The following CEP135 variants were observed in gnomAD, a reference collection of about 807,000 sequenced individuals.
CEP135 encodes centrosomal protein 135, also known as centrosomal protein of 135 kDa.
CEP135 carries 142 observed loss-of-function variants against 157.3 expected under a neutral mutation model. The ratio of observed to expected loss-of-function variants is 0.90; its 90% CI spans 0.79 to 1.04. CEP135 has a LOEUF of 1.04. Ranked by LOEUF, CEP135 falls within the 50% of genes least tolerant of loss-of-function variation. CEP135 has a pLI of 0.00. For synonymous variants in CEP135, 396 were observed against 439.8 expected (o/e 0.90, Z 1.25); for missense variants, 1,317 against 1,309.2 (o/e 1.01, Z -0.09).
chr4:55,990,493 C>T (rs1274183037), intron 14 of CEP135, among the ~76,000 whole-genome samples: 1 of 151,980 alleles, frequency 6.6e-6, no homozygotes, highest in Non-Finnish European at 1.5e-5. Flanking sequence ...TTTGTCCCTA[C>T]ACTTATTTAT....
intron 15 of CEP135, among the ~76,000 whole-genome samples, chr4:55,995,221 C>T (rs553586614): frequency 1.2e-4 from 19 of 152,286 alleles, no homozygotes; most frequent in African/African-American, 4.6e-4. Flanking sequence ...GCATGCTAGC[C>T]AGTCTTTAGA....
intron 17 of CEP135, among the ~76,000 whole-genome samples, chr4:56,006,732 G>A (rs563333328): frequency 5.8e-4 from 89 of 152,292 alleles, no homozygotes; most frequent in African/African-American, 2.0e-3. Flanking sequence ...GAGAGCTCAG[G>A]TGTCACTGTC....
At chr4:55,978,082 T>C (rs1347991468) in intron 11 of CEP135, among the ~76,000 whole-genome samples, 2 of 152,170 alleles carry the variant, frequency 1.3e-5, no homozygotes, top group African/African-American at 4.8e-5. Flanking sequence ...TTCACAATTA[T>C]ACATTAACAC....
intron 15 of CEP135, among the ~76,000 whole-genome samples, chr4:55,997,196 T>C (rs1206973224): frequency 6.6e-6 from 1 of 152,188 alleles, no homozygotes; most frequent in Non-Finnish European, 1.5e-5. Flanking sequence ...CCTCAACTGT[T>C]TCGTTGAGAG....
intron 1 of CEP135, among the ~76,000 whole-genome samples, chr4:55,951,711 A>G (rs1035480990): frequency 9.2e-5 from 14 of 152,030 alleles, no homozygotes; most frequent in Middle Eastern, 3.2e-3. Context: ...CTCTATTTTA[A>G]TTGAGTATTT....
chr4:55,990,134 C>T (rs1729735992), intron 14 of CEP135, among the ~76,000 whole-genome samples: 2 of 152,060 alleles, frequency 1.3e-5, no homozygotes, highest in South Asian at 4.1e-4. Flanking sequence ...CTTTTTGTTA[C>T]CTGGTTTTCA....
At chr4:56,003,041 G>A (rs1489249926) in intron 17 of CEP135, among the ~76,000 whole-genome samples, 1 of 151,992 alleles carries the variant, frequency 6.6e-6, no homozygotes, top group Admixed American at 6.5e-5. Flanking sequence ...ATGATTCCTT[G>A]TATTTTCTGT....
At chr4:55,959,800 G>A in intron 6 of CEP135, 34 bp downstream of exon 6, 2 of 1,459,160 alleles carry the variant, frequency 1.4e-6, no homozygotes, top group Non-Finnish European at 1.9e-6. Context: ...AGTAGGGATT[G>A]AGATAGGTAT....
intron 11 of CEP135, among the ~76,000 whole-genome samples, chr4:55,979,448 G>A (rs866923851): frequency 1.1e-4 from 17 of 152,082 alleles, no homozygotes; most frequent in Non-Finnish European, 1.8e-4. Flanking sequence ...TATACTGCCT[G>A]GTAGAAATAT....
At chr4:55,969,598 T>C (rs1274623451) in intron 9 of CEP135, among the ~76,000 whole-genome samples, 1 of 152,182 alleles carries the variant, frequency 6.6e-6, no homozygotes, top group East Asian at 1.9e-4. Flanking sequence ...GCATAATATT[T>C]ACAAGGTTCA....
At chr4:56,023,470 A>C (rs10213231) in intron 24 of CEP135, among the ~76,000 whole-genome samples, 2,201 of 151,748 alleles carry the variant, frequency 0.015, 63 homozygotes, top group African/African-American at 0.051. Context: ...TAAAGAAGAA[A>C]ATTAAATTTA....
chr4:56,011,859 C>T lies in CEP135; in HGVS notation c.2676C>T (p.Asp892=), dbSNP rs1730595738. The T allele has an allele frequency of 6.2e-7, 1 of 1,605,694 alleles. No homozygotes were observed. Among genetic ancestry groups the T allele is most frequent in the Non-Finnish European group, 8.5e-7 (1 of 1,176,760 alleles). The change falls in exon 21 of 26, where the codon GAC becomes GAT. Residue 892 remains aspartate, a synonymous_variant. Coordinates refer to ENST00000257287, the MANE Select transcript of CEP135 (RefSeq NM_025009.5). ...RFQMLHNRAE[D]WEVKAHQAEG... ...AGATGCTTCATAACCGTGCTGAAGA[C>T]TGGGAGGTCAAAGCCCATCAAGCTG...
chr4:56,000,638 G>A (rs983749720), intron 17 of CEP135, among the ~76,000 whole-genome samples: 12 of 152,084 alleles, frequency 7.9e-5, no homozygotes, highest in African/African-American at 2.9e-4. Flanking sequence ...TGACCTCCAG[G>A]TCCATCCATG....
In CEP135 at chr4:56,017,658, C is replaced by T; in HGVS notation, c.2813C>T (p.Ala938Val). 2 of 1,599,080 alleles carry T rather than the reference C, an allele frequency of 1.3e-6. No homozygotes were observed. Among genetic ancestry groups the T allele is most frequent in the Non-Finnish European group, 1.7e-6 (2 of 1,173,448 alleles). ...TTTTTCTTTTTTCAGCACATAAATG[C>T]CCATCATGCTTATGAATCTCAGATC... is the stretch of plus-strand genomic sequence containing the variant. ...LEKEIQEHIN[A>V]HHAYESQISS... The change falls in exon 22 of 26, where the codon GCC becomes GTC. Residue 938 changes from alanine (A) to valine (V), a missense_variant. By Grantham distance (64) the Ala-to-Val change is moderately conservative. Transcript: ENST00000257287.
rs1729358468 is a variant in CEP135, at chr4:55,980,291, A to G, written c.1622A>G (p.Asn541Ser). The G allele has an allele frequency of 6.7e-7, 1 of 1,491,352 alleles. No homozygotes were observed. Among genetic ancestry groups the G allele is most frequent in the Non-Finnish European group, 9.3e-7 (1 of 1,079,764 alleles). 92.4% of individuals were successfully genotyped at this position (1,491,352 alleles called of 1,614,324 possible). A position where few individuals can be genotyped will look rare whatever the true frequency, so the allele number is the denominator to read the frequency against. The part of the protein sequence containing the change: ...AERDKLSVLY[N>S]EAQEELSALR... ...AGAGATAAACTAAGTGTCTTATATA[A>G]TGAAGTAAGAAATGTATTATAATTA... is the stretch of plus-strand genomic sequence containing the variant. Residue 541 changes from asparagine to serine, a missense_variant, in exon 12 of 26, where the codon AAT (asparagine) becomes AGT (serine). By Grantham distance (46) the Asn-to-Ser change is conservative (BLOSUM62 1). Coordinates refer to ENST00000257287, the MANE Select transcript of CEP135 (RefSeq NM_025009.5).
chr4:56,018,243 G>T (rs55761972), intron 22 of CEP135, among the ~76,000 whole-genome samples: 3,080 of 152,202 alleles, frequency 0.02, 106 homozygotes, highest in African/African-American at 0.069. Context: ...GCCTCCCAAA[G>T]TTCTGGGATA....
At chr4:55,951,835 G>GA (rs897639631) in intron 1 of CEP135, among the ~76,000 whole-genome samples, 7 of 152,118 alleles carry the variant, frequency 4.6e-5, no homozygotes, top group African/African-American at 1.7e-4. Flanking sequence ...TCAGGCTTAG[G>GA]AAAAATCTTT....
chr4:55,974,957 A>AACTTTT lies in CEP135; in HGVS notation c.1463_1464insTTTTAC (p.Thr488_Pro489insPheThr). The AACTTTT allele has an allele frequency of 6.3e-7, 1 of 1,598,808 alleles. No homozygotes were observed. The highest frequency in any genetic ancestry group is 8.5e-7 in the Non-Finnish European group (1 of 1,171,368). On this transcript the variant is annotated inframe_insertion, in exon 11 of 26. Coordinates refer to ENST00000257287, the MANE Select transcript of CEP135 (RefSeq NM_025009.5). ...CACGTGAAAAAAGTTCAATATTTAG[A>AACTTTT]ACACCAGAAAAGGTAATGTCCCTTT...
At chr4:56,008,411 T>C (rs1389191360) in intron 18 of CEP135, 29 bp downstream of exon 18, 1 of 1,559,044 alleles carries the variant, frequency 6.4e-7, no homozygotes, top group Admixed American at 1.7e-5. Context: ...TACATCCAGC[T>C]TTTTAGGAGA....
Sources: gnomAD v4.1 joint callset for allele counts (sites outside exome capture counted in the v4.1 genomes callset) on GRCh38, gnomAD v4.1.1 for gene constraint, MANE v1.5 for transcripts, NCBI Gene and HGNC (gene_info 2026-07-23, HGNC 2026-07-21) for gene names.